The following CDHR3 variants were observed in gnomAD, a reference collection of about 807,000 sequenced individuals.
CDHR3 encodes cadherin related family member 3.
In CDHR3, 79 loss-of-function variants were observed where a neutral mutation model predicts 86.6. The observed-to-expected ratio is 0.91, with a 90% CI of 0.76 to 1.10. The LOEUF is 1.10. Among genes scored for constraint, CDHR3 ranks in the 50% least tolerant of loss-of-function variants. The pLI, the probability that CDHR3 is intolerant of heterozygous loss-of-function variation, is 0.00. For synonymous variants in CDHR3, 421 were observed against 402.4 expected, an observed-to-expected ratio of 1.05 and a Z score of -0.55; for missense variants, 1,081 against 1,077.6, an observed-to-expected ratio of 1.00 and a Z score of -0.04.
intron 11 of CDHR3, among the ~76,000 whole-genome samples, chr7:106,016,880 C>T (rs1835715612): frequency 6.6e-6 from 1 of 152,200 alleles, no homozygotes; most frequent in Non-Finnish European, 1.5e-5. Context: ...GATCTTACTG[C>T]AGTTCTTTTT....
At position 105,976,913 on chromosome 7, in the gene CDHR3, A is replaced by G. The variant is rs182470545; in HGVS notation, c.249+1867A>G. Among the ~76,000 whole-genome samples, 17 of 151,650 alleles carry G rather than the reference A, an allele frequency of 1.1e-4. No individual in the cohort carries two copies. In the East Asian group the frequency reaches 2.9e-3, roughly 26 times the overall value. On this transcript the variant is annotated intron_variant, in intron 2 of 18. Transcript: ENST00000317716. ...TTAGCATTTATGGTCTACAGCATTT[A>G]GTGATGAAGATGATCATGTTCCTTT...
Position 106,001,537 on chromosome 7 carries a change from T to C in CDHR3, c.789T>C (p.Pro263=). The change falls in exon 7 of 19, where the codon CCT becomes CCC. Residue 263 remains proline, a synonymous_variant. Transcript: ENST00000317716. ...TIVANITAED[P]DDEGFPSHLL... ...TGGCCAATATCACAGCGGAGGATCCTGATGATGAAGGTTTTCCCAGCCACC... is the reference window on the plus strand; with the variant it reads ...TGGCCAATATCACAGCGGAGGATCCCGATGATGAAGGTTTTCCCAGCCACC... 1 of 1,613,998 alleles carries C rather than the reference T, an allele frequency of 6.2e-7. No homozygotes were observed. The highest frequency in any genetic ancestry group is 8.5e-7 in the Non-Finnish European group (1 of 1,179,892).
chr7:106,026,086 A>G (rs1009120929), intron 15 of CDHR3, among the ~76,000 whole-genome samples: 1 of 152,216 alleles, frequency 6.6e-6, no homozygotes, highest in African/African-American at 2.4e-5. Context: ...CTTAAAAAAG[A>G]AAAACTAGCT....
chr7:105,986,578 C>T (rs1422227610), intron 4 of CDHR3, among the ~76,000 whole-genome samples: 1 of 152,120 alleles, frequency 6.6e-6, no homozygotes, highest in Non-Finnish European at 1.5e-5. Context: ...GAAATGAAGA[C>T]CCAAAGACCC....
At position 106,004,512 on chromosome 7, in the gene CDHR3, C is replaced by T. The variant is rs1300310019; in HGVS notation, c.877C>T (p.Gln293Ter). The T allele has an allele frequency of 2.5e-6, 4 of 1,613,898 alleles. No homozygotes were observed. The highest frequency in any genetic ancestry group is 3.4e-6 in the Non-Finnish European group (4 of 1,179,826). Residue 293 changes from glutamine (Q) to a stop codon, truncating the protein, a stop_gained, in exon 8 of 19, where the codon CAA becomes TAA. Transcript: ENST00000317716. LOFTEE classifies it high-confidence loss of function. ...FMINQLTGTI[Q>*]VAQRIDRDAG... ...TGCTTTCTCAGTGACTGGTACAATC[C>T]AAGTGGCCCAAAGGATAGACCGAGA...
At chr7:106,018,954 T>C (rs1836099998) in intron 12 of CDHR3, among the ~76,000 whole-genome samples, 1 of 152,184 alleles carries the variant, frequency 6.6e-6, no homozygotes, top group Non-Finnish European at 1.5e-5. Context: ...GCTGGTCCCC[T>C]GCCACACCTC....
In CDHR3 at chr7:105,992,572, T is replaced by TA. The variant is rs1351771914; in HGVS notation, c.514-2174dup. Among the ~76,000 whole-genome samples the TA allele has an allele frequency of 9.2e-5, 14 of 152,334 alleles. No homozygotes were observed. The East Asian group carries it at 2.7e-3, about 29-fold the overall frequency. ...GTGGCATCACCCAAATATTTCCCCT[T>TA]AAAAATGAGCAGAAAACACCTAAAT... On this transcript the variant is annotated intron_variant, in intron 4 of 18. Transcript: ENST00000317716.
chr7:106,001,717 A>G (rs1296042139), intron 7 of CDHR3, 107 bp downstream of exon 7: 2 of 1,390,558 alleles, frequency 1.4e-6, no homozygotes, highest in Non-Finnish European at 9.9e-7. Context: ...TCTAGGATGC[A>G]CCGTGGATAC....
At position 106,020,431 on chromosome 7, in the gene CDHR3, A is replaced by G. The variant is rs1325976116; in HGVS notation, c.1712A>G (p.Tyr571Cys). Residue 571 changes from tyrosine to cysteine, a missense_variant, in exon 13 of 19, where the codon TAT (tyrosine) becomes TGT (cysteine). Coordinates refer to ENST00000317716, the MANE Select transcript of CDHR3 (RefSeq NM_152750.5). ...DEKPICTPNS[Y>C]FLALPVDLKV... ...AAGCCAATTTGTACTCCAAACTCTT[A>G]TTTCCTGGCCCTCCCAGTGGATCTG... The G allele has an allele frequency of 4.3e-6, 7 of 1,613,870 alleles. No individual in the cohort carries two copies. The highest frequency in any genetic ancestry group is 5.9e-6 in the Non-Finnish European group (7 of 1,179,898).
At position 105,980,907 on chromosome 7, in the gene CDHR3, G is replaced by A. The variant is rs572760549; in HGVS notation, c.250-61G>A. Reference sequence around the variant, plus strand: ...TCCTAGGAATATCCCTTTGCAAAGTGCATGCATGCAAAACAGATCTTCTTT... The same window carrying A: ...TCCTAGGAATATCCCTTTGCAAAGTACATGCATGCAAAACAGATCTTCTTT... On this transcript the variant is annotated intron_variant, in intron 2 of 18. Coordinates refer to ENST00000317716, the MANE Select transcript of CDHR3 (RefSeq NM_152750.5). 1,005 of 1,453,870 alleles carry A rather than the reference G, an allele frequency of 6.9e-4. 1 individual carries two copies. Among genetic ancestry groups the A allele is most frequent in the Non-Finnish European group, 9.0e-4 (950 of 1,061,198 alleles). The allele number at this position is 1,453,870 out of a possible 1,614,324, so 90.1% of individuals were successfully genotyped here.
intron 12 of CDHR3, 65 bp downstream of exon 12, chr7:106,018,137 C>T (rs1322737176): frequency 1.5e-6 from 2 of 1,321,324 alleles, no homozygotes; most frequent in Non-Finnish European, 2.1e-6. Context: ...TCTCTGGCAC[C>T]CCCAGAGTGT....
intron 1 of CDHR3, 99 bp from the exon 2 acceptor site, chr7:105,974,745 C>T (rs1449085943): frequency 2.3e-6 from 2 of 885,330 alleles, no homozygotes; most frequent in African/African-American, 1.6e-5. Context: ...TCATCGTCAC[C>T]CTGAGCTACG....
chr7:105,975,945 A>G (rs1345111115), intron 2 of CDHR3, among the ~76,000 whole-genome samples: 1 of 152,172 alleles, frequency 6.6e-6, no homozygotes, highest in African/African-American at 2.4e-5. Context: ...AAAAGCATGC[A>G]TATTGGGGCC....
At chr7:105,994,480 T>C (rs1831871609) in intron 4 of CDHR3, among the ~76,000 whole-genome samples, 1 of 152,172 alleles carries the variant, frequency 6.6e-6, no homozygotes, top group Admixed American at 6.5e-5. Context: ...GAGCCTGCCT[T>C]GACAGGGGCC....
At chr7:105,995,852 A>T (rs1257475077) in intron 5 of CDHR3, among the ~76,000 whole-genome samples, 1 of 152,104 alleles carries the variant, frequency 6.6e-6, no homozygotes, top group Non-Finnish European at 1.5e-5. Flanking sequence ...CTTGGGGTGA[A>T]GCAGGTGAGG....
chr7:106,005,651 C>T (rs923487061), intron 8 of CDHR3, among the ~76,000 whole-genome samples: 11 of 152,270 alleles, frequency 7.2e-5, no homozygotes, highest in African/African-American at 1.9e-4. Flanking sequence ...TTTCTCCAGG[C>T]GACTCTGGAC....
At chr7:106,032,277 C>T (rs529177401) in intron 18 of CDHR3, 116 bp from the exon 19 acceptor site, 19 of 990,168 alleles carry the variant, frequency 1.9e-5, no homozygotes, top group East Asian at 2.6e-5. Flanking sequence ...TGATTCACAC[C>T]TTCTAGTGTG....
In CDHR3 at chr7:106,001,746, A is replaced by C. The variant is rs1488067204; in HGVS notation, c.862+136A>C. 2 of 1,050,874 alleles carry C rather than the reference A, an allele frequency of 1.9e-6. 1 individual carries two copies. The highest frequency in any genetic ancestry group is 3.0e-5 in the South Asian group (2 of 66,538). The allele number at this position is 1,050,874 out of a possible 1,614,324, so 65.1% of individuals were successfully genotyped here. A position where few individuals can be genotyped will look rare whatever the true frequency, so the allele number is the denominator to read the frequency against. ...TGGATACCAAAATCCACGTATGCTC[A>C]AGTTTCTTCTATAAAATGGCTTAGT... is the stretch of plus-strand genomic sequence containing the variant. On this transcript the variant is annotated intron_variant, in intron 7 of 18. Coordinates refer to ENST00000317716, the MANE Select transcript of CDHR3 (RefSeq NM_152750.5).
At chr7:105,971,074 G>A (rs1277713856) in intron 1 of CDHR3, among the ~76,000 whole-genome samples, 3 of 151,096 alleles carry the variant, frequency 2.0e-5, no homozygotes, top group South Asian at 4.2e-4. Context: ...CCGGGAGGCA[G>A]AGCTTGCAGT....
Sources: allele counts gnomAD v4.1 joint callset (sites outside exome capture counted in the v4.1 genomes callset), GRCh38; gene constraint gnomAD v4.1.1; transcripts MANE v1.5; gene names NCBI Gene and HGNC (gene_info 2026-07-23, HGNC 2026-07-21).